Variants in CNTROB observed in about 807,000 individuals in gnomAD.
CNTROB encodes the protein centrobin.
In CNTROB, 82 loss-of-function variants were observed where a neutral mutation model predicts 115.7. That is an observed-to-expected ratio of 0.71 (90% CI 0.59 to 0.85). The LOEUF (loss-of-function observed/expected upper bound fraction) is 0.85. Among genes scored for constraint, CNTROB ranks in the 40% least tolerant of loss-of-function variants. CNTROB has a pLI of 0.00. For synonymous variants in CNTROB, 439 were observed against 456.4 expected, an observed-to-expected ratio of 0.96 and a Z score of 0.49; for missense variants, 1,014 against 1,144.4, an observed-to-expected ratio of 0.89 and a Z score of 1.64.
chr17:7,933,820 TGTCAGA>T (rs1326345382), intron 1 of CNTROB, among the ~76,000 whole-genome samples: 2 of 152,204 alleles, frequency 1.3e-5, no homozygotes, highest in Admixed American at 6.5e-5. Context: ...ATAGAAAAGG[TGTCAGA>T]GTCAATTTGC....
At chr17:7,949,353 G>T in intron 18 of CNTROB, 32 bp from the exon 19 acceptor site, 11 of 1,612,366 alleles carry the variant, frequency 6.8e-6, no homozygotes, top group Non-Finnish European at 9.3e-6. Flanking sequence ...ATCTGACGCT[G>T]ATTTCTTCCT....
rs1972654831 is a variant in CNTROB, at chr17:7,932,721, A to G, written c.-359A>G. 4.3e-6 allele frequency: 1 copy of G among 231,952 alleles called. No homozygotes were observed. Among genetic ancestry groups the G allele is most frequent in the African/African-American group, 2.3e-5 (1 of 43,672 alleles). 14.4% of individuals were successfully genotyped at this position (231,952 alleles called of 1,614,324 possible). ...AACTTAAGAGCTCAGTTGACCGGGG[A>G]TAGCCTGTGCCGGAGTTGATCTGCA... On this transcript the variant is annotated 5_prime_UTR_variant, in exon 1 of 19. Coordinates refer to ENST00000563694, the MANE Select transcript of CNTROB (RefSeq NM_053051.5).
chr17:7,938,596 T>C (rs543009545), intron 7 of CNTROB, among the ~76,000 whole-genome samples: 19 of 152,330 alleles, frequency 1.2e-4, no homozygotes, highest in African/African-American at 4.6e-4. Flanking sequence ...CATATGCTTT[T>C]TACTTTAATG....
chr17:7,948,083 T>C lies in CNTROB; in HGVS notation c.2210-74T>C, dbSNP rs28528994. 2.5e-6 allele frequency: 4 copies of C among 1,602,832 alleles called. No individual in the cohort carries two copies. Among genetic ancestry groups the C allele is most frequent in the African/African-American group, 2.7e-5 (2 of 74,546 alleles). On this transcript the variant is annotated intron_variant, in intron 15 of 18. Transcript: ENST00000563694. The surrounding 1 kb of genome is among the most constrained non-coding windows in gnomAD (Gnocchi z 4.4). ...AGCTGGCAAAAGTAATAAAGCCTTA[T>C]AAATGCTGGGTGGTGGGACTTCCTT...
intron 13 of CNTROB, among the ~76,000 whole-genome samples, chr17:7,946,668 G>C (rs2151776725): frequency 6.6e-6 from 1 of 152,266 alleles, no homozygotes; most frequent in South Asian, 2.1e-4. Context: ...AGGAGTTCCA[G>C]ACCAGTCTGA....
In CNTROB at chr17:7,948,482, G is replaced by C. The variant is rs937014072; in HGVS notation, c.2381-5G>C. 5 of 1,613,998 alleles carry C rather than the reference G, an allele frequency of 3.1e-6. No individual in the cohort carries two copies. Among genetic ancestry groups the C allele is most frequent in the Non-Finnish European group, 3.4e-6 (4 of 1,180,020 alleles). ...GACGCCTGTGATTATTGCGATGTCT[G>C]TCAGGTGGAGATGGGCTTACATTCC... On this transcript the variant is annotated splice_region_variant and splice_polypyrimidine_tract_variant and intron_variant, in intron 16 of 18. Coordinates refer to ENST00000563694, the MANE Select transcript of CNTROB (RefSeq NM_053051.5). The surrounding 1 kb of genome is among the most constrained non-coding windows in gnomAD (Gnocchi z 4.4).
Position 7,949,552 on chromosome 17 carries a change from AT to A in CNTROB, c.*46del. ...TCCTCTTTGTTCTCTCATTGTTGTT[AT>A]TTTAATAAATGCTCATTAGTCTGTA... is the stretch of plus-strand genomic sequence containing the variant. On this transcript the variant is annotated 3_prime_UTR_variant, in exon 19 of 19. Transcript: ENST00000563694. 6.4e-7 allele frequency: 1 copy of A among 1,554,892 alleles called. No individual in the cohort carries two copies. Among genetic ancestry groups the A allele is most frequent in the Non-Finnish European group, 8.7e-7 (1 of 1,150,486 alleles).
rs970881656 is a variant in CNTROB at position 7,948,769 on chromosome 17, A to G, written c.2513+150A>G. 6.4e-7 allele frequency: 1 copy of G among 1,563,406 alleles called. No individual in the cohort carries two copies. The highest frequency in any genetic ancestry group is 8.7e-7 in the Non-Finnish European group (1 of 1,151,564). On this transcript the variant is annotated intron_variant, in intron 17 of 18. Coordinates refer to ENST00000563694, the MANE Select transcript of CNTROB (RefSeq NM_053051.5). This position sits in a 1 kb window ranked among gnomAD's most constrained non-coding sequence, Gnocchi z 4.4. Reference sequence around the variant, plus strand: ...GAGGTGGATCCACAGATCTTCTCTAACTGCCCCACACTTTTCTTTTATCTC... The same window carrying G: ...GAGGTGGATCCACAGATCTTCTCTAGCTGCCCCACACTTTTCTTTTATCTC...
chr17:7,935,523 A>G (rs1037302450), intron 4 of CNTROB, among the ~76,000 whole-genome samples: 4 of 152,034 alleles, frequency 2.6e-5, no homozygotes, highest in Non-Finnish European at 4.4e-5. Flanking sequence ...ACTAAAAAAG[A>G]AAAGGGCTGA....
At position 7,939,181 on chromosome 17, in the gene CNTROB, C is replaced by T. The variant is rs569198120; in HGVS notation, c.928-332C>T. 1.4e-4 allele frequency among the ~76,000 whole-genome samples: 22 copies of T among 152,298 alleles called. No individual in the cohort carries two copies. The highest frequency in any genetic ancestry group is 5.3e-4 in the African/African-American group (22 of 41,554). Reference sequence around the variant, plus strand: ...GATCCCAGCTCACTGCAACCTCCACCTCCCAGGTTAGAGCGATTCTCCTGC... The same window carrying T: ...GATCCCAGCTCACTGCAACCTCCACTTCCCAGGTTAGAGCGATTCTCCTGC... On this transcript the variant is annotated intron_variant, in intron 7 of 18. Transcript: ENST00000563694. This position sits in a 1 kb window ranked among gnomAD's most constrained non-coding sequence, Gnocchi z 4.4.
Position 7,948,537 on chromosome 17 carries a change from T to C in CNTROB, c.2431T>C (p.Leu811=), listed in dbSNP as rs769373474. 6.2e-7 allele frequency: 1 copy of C among 1,614,172 alleles called. No homozygotes were observed. Among genetic ancestry groups the C allele is most frequent in the Non-Finnish European group, 8.5e-7 (1 of 1,180,026 alleles). The part of the protein sequence containing the change: ...PRQLMEVSQL[L]RLYQARGWGA... ...GCAGCTGATGGAGGTGTCTCAACTGTTGCGACTCTACCAGGCTCGGGGCTG... is the reference window on the plus strand; with the variant it reads ...GCAGCTGATGGAGGTGTCTCAACTGCTGCGACTCTACCAGGCTCGGGGCTG... The change falls in exon 17 of 19, where the codon TTG becomes CTG. Residue 811 remains leucine (L), a synonymous_variant. Coordinates refer to ENST00000563694, the MANE Select transcript of CNTROB (RefSeq NM_053051.5). The surrounding 1 kb of genome is among the most constrained non-coding windows in gnomAD (Gnocchi z 4.4).
At position 7,935,017 on chromosome 17, in the gene CNTROB, T is replaced by C. The variant is rs1436472000; in HGVS notation, c.466T>C (p.Ser156Pro). 1 of 1,611,500 alleles carries C rather than the reference T, an allele frequency of 6.2e-7. No homozygotes were observed. Among genetic ancestry groups the C allele is most frequent in the Non-Finnish European group, 8.5e-7 (1 of 1,178,494 alleles). The change falls in exon 4 of 19, where the codon TCT (serine) becomes CCT (proline). Residue 156 changes from serine (S) to proline (P), a missense_variant. Coordinates refer to ENST00000563694, the MANE Select transcript of CNTROB (RefSeq NM_053051.5). Reference sequence around the variant, plus strand: ...CCGGCCCCTGCAAGACTTGTCTCCATCTAGCTCAGCCCAAGCCCTGGAGGA... The same window carrying C: ...CCGGCCCCTGCAAGACTTGTCTCCACCTAGCTCAGCCCAAGCCCTGGAGGA... ...NTRPLQDLSP[S>P]SSAQALEELF... is the part of the protein sequence containing the mutation.
At chr17:7,935,169 G>T in intron 4 of CNTROB, 24 bp downstream of exon 4, 1 of 1,613,634 alleles carries the variant, frequency 6.2e-7, no homozygotes, top group East Asian at 2.2e-5. Flanking sequence ...GCTTCCTTTC[G>T]AAAGCAGCAA....
Position 7,939,988 on chromosome 17 carries a change from A to T in CNTROB, c.1165-108A>T. On this transcript the variant is annotated intron_variant, in intron 8 of 18. Transcript: ENST00000563694. This position sits in a 1 kb window ranked among gnomAD's most constrained non-coding sequence, Gnocchi z 4.4. ...ATGGGGAAATAAAACAAATGGGAGG[A>T]GCTGGGGGAAGCTTGGATTTTAGGG... 4 of 1,308,504 alleles carry T rather than the reference A, an allele frequency of 3.1e-6. No homozygotes were observed. The Admixed American group carries it at 6.8e-5, about 22-fold the overall frequency. 81.1% of individuals were successfully genotyped at this position (1,308,504 alleles called of 1,614,324 possible). A position where few individuals can be genotyped will look rare whatever the true frequency, so the allele number is the denominator to read the frequency against.
At chr17:7,941,487 T>G (rs1351216185) in intron 9 of CNTROB, among the ~76,000 whole-genome samples, 1 of 149,350 alleles carries the variant, frequency 6.7e-6, no homozygotes, top group Non-Finnish European at 1.5e-5. Flanking sequence ...TAGTCCCGGC[T>G]ACTAAGAAGG....
intron 13 of CNTROB, among the ~76,000 whole-genome samples, chr17:7,946,241 T>A (rs976425374): frequency 3.7e-4 from 56 of 152,352 alleles, no homozygotes; most frequent in African/African-American, 1.2e-3. Context: ...GGCAGCTAGC[T>A]GGCCCTTTTC....
chr17:7,938,481 T>C (rs1489012065), intron 7 of CNTROB, among the ~76,000 whole-genome samples: 3 of 152,232 alleles, frequency 2.0e-5, no homozygotes, highest in African/African-American at 7.2e-5. Flanking sequence ...TTCACGATTA[T>C]AGGCTGGATA....
intron 13 of CNTROB, among the ~76,000 whole-genome samples, chr17:7,946,908 C>T (rs1285458263): frequency 1.3e-5 from 2 of 151,904 alleles, no homozygotes; most frequent in Non-Finnish European, 2.9e-5. Flanking sequence ...CGCCTGTAAT[C>T]CCAGTACTTT....
rs1974220821 is a variant in CNTROB, at chr17:7,944,030, G to A, written c.1446-93G>A. ...CCAGGCTAGCTGACTGGCTATCTGGGTCACTGTCATGTGCACACATGATGT... is the reference window on the plus strand; with the variant it reads ...CCAGGCTAGCTGACTGGCTATCTGGATCACTGTCATGTGCACACATGATGT... On this transcript the variant is annotated intron_variant, in intron 10 of 18. Transcript: ENST00000563694. This position sits in a 1 kb window ranked among gnomAD's most constrained non-coding sequence, Gnocchi z 4.0. The A allele has an allele frequency of 1.1e-6, 1 of 926,484 alleles. No individual in the cohort carries two copies. Among genetic ancestry groups the A allele is most frequent in the Non-Finnish European group, 1.7e-6 (1 of 587,404 alleles). 57.4% of individuals were successfully genotyped at this position (926,484 alleles called of 1,614,324 possible).
Sources: allele counts gnomAD v4.1 joint callset (sites outside exome capture counted in the v4.1 genomes callset), GRCh38; gene constraint gnomAD v4.1.1; non-coding constraint Gnocchi (gnomAD v3.1); transcripts MANE v1.5; gene names NCBI Gene and HGNC (gene_info 2026-07-23, HGNC 2026-07-21).